The following PEDS1 variants were observed in gnomAD, a reference collection of about 807,000 sequenced individuals.
PEDS1 encodes the protein plasmanylethanolamine desaturase 1, also known as CarF homolog.
In PEDS1, 14 loss-of-function variants were observed where a neutral mutation model predicts 35.2. The observed-to-expected ratio is 0.40, with a 90% CI of 0.26 to 0.62. The LOEUF is 0.62. PEDS1 is among the 20% of genes least tolerant of loss of function. The probability of loss-of-function intolerance (pLI) is 0.44; values close to 1 mark genes in which losing one functional copy is unlikely to be tolerated. For synonymous variants in PEDS1, 152 were observed against 152.0 expected (o/e 1.00, Z 0.00); for missense variants, 260 against 367.8 (o/e 0.71, Z 2.40).
Position 50,153,619 on chromosome 20 carries a change from A to G in PEDS1, c.19T>C (p.Trp7Arg), listed in dbSNP as rs2026757. The G allele has an allele frequency of 7.7e-7, 1 of 1,302,710 alleles. No individual in the cohort carries two copies. Among genetic ancestry groups the G allele is most frequent in the Non-Finnish European group, 9.8e-7 (1 of 1,020,820 alleles). The allele number at this position is 1,302,710 out of a possible 1,614,324, so 80.7% of individuals were successfully genotyped here. A position where few individuals can be genotyped will look rare whatever the true frequency, so the allele number is the denominator to read the frequency against. The change falls in exon 1 of 6, where the codon TGG (tryptophan) becomes CGG (arginine). Residue 7 changes from tryptophan to arginine, a missense_variant. Physicochemically the swap from Trp to Arg is moderately radical, Grantham distance 101. Transcript: ENST00000371652. MAGAEN[W>R]PGQQLELDED... ...TCCAGCTCCAGCTGCTGGCCCGGCC[A>G]GTTCTCGGCGCCCGCCATGGCCACT...
chr20:50,139,384 T>G (rs1460369800), intron 2 of PEDS1, among the ~76,000 whole-genome samples: 1 of 152,030 alleles, frequency 6.6e-6, no homozygotes, highest in Admixed American at 6.6e-5. Context: ...TCCACGTGGC[T>G]AAATCCAAAG....
chr20:50,151,149 A>T, intron 1 of PEDS1: 1 of 916,626 alleles, frequency 1.1e-6, no homozygotes, highest in Non-Finnish European at 1.5e-6. Context: ...GTGAGCAGAT[A>T]GAAGCAGAGA....
intron 3 of PEDS1, among the ~76,000 whole-genome samples, chr20:50,130,169 A>G (rs574246162): frequency 1.3e-5 from 2 of 152,156 alleles, no homozygotes; most frequent in South Asian, 4.1e-4. Flanking sequence ...TCCTCCCTCT[A>G]GCCAGTGACT....
At chr20:50,131,506 C>T (rs1292037347) in intron 2 of PEDS1, among the ~76,000 whole-genome samples, 2 of 151,882 alleles carry the variant, frequency 1.3e-5, no homozygotes, top group Non-Finnish European at 2.9e-5. Flanking sequence ...CCTGTAGTCT[C>T]AACTACTCGG....
chr20:50,151,228 G>A (rs2147311086), intron 1 of PEDS1: 1 of 1,304,154 alleles, frequency 7.7e-7, no homozygotes, highest in South Asian at 1.2e-5. Flanking sequence ...GTCTGGAGGA[G>A]ATAAAGGGCC....
At chr20:50,139,056 C>T (rs113147895) in intron 2 of PEDS1, among the ~76,000 whole-genome samples, 15 of 152,248 alleles carry the variant, frequency 9.9e-5, no homozygotes, top group Admixed American at 2.0e-4. Context: ...CCATGGGTTT[C>T]GGTCCTGGGT....
Position 50,119,342 on chromosome 20 carries a change from G to C in PEDS1, c.*5716C>G, listed in dbSNP as rs914969337. The stretch of plus-strand genomic sequence containing the variant: ...CCAACTACTTGGGATGGGAGGCTGA[G>C]AGAGGATAGCTTGAGCCCAGGAGGC... On this transcript the variant is annotated 3_prime_UTR_variant, in exon 6 of 6. Coordinates refer to ENST00000371652, the MANE Select transcript of PEDS1 (RefSeq NM_199129.4). The C allele has an allele frequency of 3.3e-5, 5 of 150,924 alleles. No individual in the cohort carries two copies. Among genetic ancestry groups the C allele is most frequent in the Non-Finnish European group, 7.4e-5 (5 of 67,868 alleles). The allele number at this position is 150,924 out of a possible 1,614,324, so 9.3% of individuals were successfully genotyped here.
chr20:50,147,597 C>T (rs774750755), intron 1 of PEDS1, among the ~76,000 whole-genome samples: 10 of 152,298 alleles, frequency 6.6e-5, no homozygotes, highest in African/African-American at 2.2e-4. Context: ...TTAGCCTGGA[C>T]GTTCGGGGCA....
intron 1 of PEDS1, among the ~76,000 whole-genome samples, chr20:50,151,494 A>G (rs2081402610): frequency 6.6e-6 from 1 of 152,330 alleles, no homozygotes; most frequent in African/African-American, 2.4e-5. Flanking sequence ...CTTATCCCCA[A>G]TTCCCAGGTG....
Position 50,118,583 on chromosome 20 carries a change from T to C in PEDS1, c.*6475A>G, listed in dbSNP as rs969239792. 1 of 152,166 alleles carries C rather than the reference T, an allele frequency of 6.6e-6. No individual in the cohort carries two copies. Among genetic ancestry groups the C allele is most frequent in the African/African-American group, 2.4e-5 (1 of 41,450 alleles). The allele number at this position is 152,166 out of a possible 1,614,324, so 9.4% of individuals were successfully genotyped here. On this transcript the variant is annotated 3_prime_UTR_variant, in exon 6 of 6. Coordinates refer to ENST00000371652, the MANE Select transcript of PEDS1 (RefSeq NM_199129.4). ...AAGATACCCAATCTCACAAAACATATTGTATTTCAGTGATTTGAAGCTATA... is the reference window on the plus strand; with the variant it reads ...AAGATACCCAATCTCACAAAACATACTGTATTTCAGTGATTTGAAGCTATA...
chr20:50,125,009 G>C lies in PEDS1; in HGVS notation c.*49C>G, dbSNP rs751901988. On this transcript the variant is annotated 3_prime_UTR_variant, in exon 6 of 6. Transcript: ENST00000371652. ...AGGCTGGAATTTGGCAGATGGCTTC[G>C]GTTTGGGGGCTAGGGAAGGTTGGCA... is the stretch of plus-strand genomic sequence containing the variant. 1.9e-6 allele frequency: 3 copies of C among 1,605,084 alleles called. No homozygotes were observed. The highest frequency in any genetic ancestry group is 1.7e-5 in the Admixed American group (1 of 59,776).
chr20:50,121,421 C>G lies in PEDS1; in HGVS notation c.*3637G>C, dbSNP rs2081049988. ...TGTGACCTTGGGCATATTACATGACCTCTGTGCCTCAGTTTCCCCATCTGC... is the reference window on the plus strand; with the variant it reads ...TGTGACCTTGGGCATATTACATGACGTCTGTGCCTCAGTTTCCCCATCTGC... On this transcript the variant is annotated 3_prime_UTR_variant, in exon 6 of 6. Coordinates refer to ENST00000371652, the MANE Select transcript of PEDS1 (RefSeq NM_199129.4). The G allele has an allele frequency of 6.6e-6, 1 of 152,468 alleles. No homozygotes were observed. The highest frequency in any genetic ancestry group is 1.5e-5 in the Non-Finnish European group (1 of 68,296). The allele number at this position is 152,468 out of a possible 1,614,324, so 9.4% of individuals were successfully genotyped here.
chr20:50,153,604 G>C lies in PEDS1; in HGVS notation c.34C>G (p.Leu12Val). The C allele has an allele frequency of 5.7e-6, 8 of 1,396,282 alleles. No homozygotes were observed. Among genetic ancestry groups the C allele is most frequent in the Non-Finnish European group, 7.5e-6 (8 of 1,066,842 alleles). 86.5% of individuals were successfully genotyped at this position (1,396,282 alleles called of 1,614,324 possible). ...GACGCCTCGTCCTCGTCCAGCTCCA[G>C]CTGCTGGCCCGGCCAGTTCTCGGCG... ...AGAENWPGQQ[L>V]ELDEDEASCC... The change falls in exon 1 of 6, where the codon CTG (leucine) becomes GTG (valine). Residue 12 changes from leucine to valine, a missense_variant. Around this residue, in one of 4 missense-constraint regions of PEDS1, gnomAD observed 114 missense variants for 121.6 expected, o/e 0.94. Coordinates refer to ENST00000371652, the MANE Select transcript of PEDS1 (RefSeq NM_199129.4).
rs1314732778 is a variant in PEDS1, at chr20:50,128,242, C to T, written c.479-55G>A. 6.2e-7 allele frequency: 1 copy of T among 1,600,376 alleles called. No homozygotes were observed. On this transcript the variant is annotated intron_variant, in intron 4 of 5. Coordinates refer to ENST00000371652, the MANE Select transcript of PEDS1 (RefSeq NM_199129.4). This position sits in a 1 kb window ranked among gnomAD's most constrained non-coding sequence, Gnocchi z 5.2. ...CAGCTGTCACTCGGGACGGGGAACC[C>T]ACCCCAAATGGCCCTCACCACCTGC...
At chr20:50,152,774 G>T (rs559079694) in intron 1 of PEDS1, among the ~76,000 whole-genome samples, 77 of 152,268 alleles carry the variant, frequency 5.1e-4, no homozygotes, top group African/African-American at 1.8e-3. Context: ...CTTATGTACA[G>T]GGGAGCTTAC....
chr20:50,129,284 G>A lies in PEDS1; in HGVS notation c.478+262C>T, dbSNP rs1170866362. Among the ~76,000 whole-genome samples the A allele has an allele frequency of 6.6e-6, 1 of 152,196 alleles. No homozygotes were observed. The highest frequency in any genetic ancestry group is 1.5e-5 in the Non-Finnish European group (1 of 68,030). On this transcript the variant is annotated intron_variant, in intron 4 of 5. Coordinates refer to ENST00000371652, the MANE Select transcript of PEDS1 (RefSeq NM_199129.4). The surrounding 1 kb of genome is among the most constrained non-coding windows in gnomAD (Gnocchi z 4.2). ...GTGGTAAACTGGAAAGACGCGTCCT[G>A]TCAAAGGCAGTGGCTGCAGCTCAGC...
chr20:50,126,452 A>G (rs2081105241), intron 5 of PEDS1, among the ~76,000 whole-genome samples: 1 of 152,190 alleles, frequency 6.6e-6, no homozygotes, highest in Admixed American at 6.5e-5. Context: ...ATGAAAAAGA[A>G]TGTTTTTTTG....
chr20:50,129,609 T>C lies in PEDS1; in HGVS notation c.415A>G (p.Asn139Asp). The C allele has an allele frequency of 6.2e-7, 1 of 1,614,108 alleles. No individual in the cohort carries two copies. The highest frequency in any genetic ancestry group is 1.3e-5 in the African/African-American group (1 of 75,004). ...RHDFIETNGD[N>D]CLVTLLPLLN... ...AGCGGCAGCAGTGTCACCAGGCAGT[T>C]GTCCCCGTTGGTCTCGATGAAGTCG... Residue 139 changes from asparagine to aspartate, a missense_variant, in exon 4 of 6, where the codon AAC becomes GAC. This residue lies in a region of PEDS1 where 34 missense variants were observed against 81.9 expected (regional missense o/e 0.41). Coordinates refer to ENST00000371652, the MANE Select transcript of PEDS1 (RefSeq NM_199129.4). The surrounding 1 kb of genome is among the most constrained non-coding windows in gnomAD (Gnocchi z 4.2).
rs574775134 is a variant in PEDS1, at chr20:50,121,769, C to T, written c.*3289G>A. 7.9e-4 allele frequency: 121 copies of T among 152,430 alleles called. No individual in the cohort carries two copies. The highest frequency in any genetic ancestry group is 2.9e-3 in the African/African-American group (121 of 41,542). 9.4% of individuals were successfully genotyped at this position (152,430 alleles called of 1,614,324 possible). ...GGACCTTGGGGGAGTCACTTTACCTCTCTGGACTCAGGCTGAGGGTTTTTT... is the reference window on the plus strand; with the variant it reads ...GGACCTTGGGGGAGTCACTTTACCTTTCTGGACTCAGGCTGAGGGTTTTTT... On this transcript the variant is annotated 3_prime_UTR_variant, in exon 6 of 6. Coordinates refer to ENST00000371652, the MANE Select transcript of PEDS1 (RefSeq NM_199129.4).
Sources: gnomAD v4.1 joint callset for allele counts (sites outside exome capture counted in the v4.1 genomes callset) on GRCh38, gnomAD v4.1.1 for gene constraint, gnomAD v4.1.1 regional missense constraint, Gnocchi (gnomAD v3.1) non-coding constraint, MANE v1.5 for transcripts, NCBI Gene and HGNC (gene_info 2026-07-23, HGNC 2026-07-21) for gene names.